The following CHD1 variants were observed in gnomAD, a reference collection of about 807,000 sequenced individuals.
The protein encoded by CHD1 is chromodomain helicase DNA binding protein 1, also known as ATP-dependent chromatin remodeler CHD1.
A neutral mutation model predicts 224.2 loss-of-function variants in CHD1; 36 were observed. The observed-to-expected ratio is 0.16, with a 90% confidence interval of 0.12 to 0.21. CHD1 has a LOEUF of 0.21. CHD1 is among the 10% of genes least tolerant of loss of function. CHD1 has a pLI of 1.00. For synonymous variants in CHD1, 668 were observed against 658.3 expected (o/e 1.01, Z -0.23); for missense variants, 1,378 against 1,994.8 (o/e 0.69, Z 5.89).
chr5:98,903,909 C>T lies in CHD1; in HGVS notation c.256-1G>A. The T allele has an allele frequency of 6.4e-7, 1 of 1,566,942 alleles. No individual in the cohort carries two copies. Among genetic ancestry groups the T allele is most frequent in the Non-Finnish European group, 8.7e-7 (1 of 1,147,292 alleles). ...GAATACTAGGACTAGATTTCCAAAACTATAATAGAAATATAAACCAGTGAA... is the reference window on the plus strand; with the variant it reads ...GAATACTAGGACTAGATTTCCAAAATTATAATAGAAATATAAACCAGTGAA... On this transcript the variant is annotated splice_acceptor_variant, in intron 3 of 35. Transcript: ENST00000614616. LOFTEE classifies it high-confidence loss of function.
intron 1 of CHD1, among the ~76,000 whole-genome samples, chr5:98,926,926 G>T (rs1353566912): frequency 4.7e-5 from 5 of 106,610 alleles, no homozygotes; most frequent in Non-Finnish European, 7.1e-5. Context: ...AGTGGGGGGG[G>T]GGGTGGGAGG....
chr5:98,888,289 G>A (rs761532460), intron 16 of CHD1, 49 bp from the exon 17 acceptor site: 1 of 1,338,198 alleles, frequency 7.5e-7, no homozygotes, highest in Non-Finnish European at 1.0e-6. Context: ...TAAATGGTAA[G>A]TTGTCCACGT....
chr5:98,893,989 G>C (rs939224435), intron 13 of CHD1, among the ~76,000 whole-genome samples: 2 of 152,080 alleles, frequency 1.3e-5, no homozygotes, highest in African/African-American at 2.4e-5. Context: ...CTTATTCCAA[G>C]TGTAGGTACA....
intron 26 of CHD1, among the ~76,000 whole-genome samples, chr5:98,872,808 C>T (rs901183613): frequency 7.2e-5 from 11 of 151,950 alleles, no homozygotes; most frequent in Non-Finnish European, 1.3e-4. Context: ...CTACTAATAC[C>T]GTCAGCCTCT....
At position 98,892,707 on chromosome 5, in the gene CHD1, A is replaced by G; in HGVS notation, c.1998T>C (p.Ser666=). The change falls in exon 15 of 36, where the codon TCT becomes TCC. Residue 666 remains serine (S), a synonymous_variant. Coordinates refer to ENST00000614616, the MANE Select transcript of CHD1 (RefSeq NM_001270.4). ...LLHFIMPEKF[S]SWEDFEEEHG... ...GTTCTTCTTCAAAATCTTCCCAGGA[A>G]GAAAACCTTTAAAATTTAAGAAATT... 1 of 1,583,258 alleles carries G rather than the reference A, an allele frequency of 6.3e-7. No homozygotes were observed. The highest frequency in any genetic ancestry group is 8.6e-7 in the Non-Finnish European group (1 of 1,162,880).
At chr5:98,880,000 A>G (rs1750049187) in intron 22 of CHD1, among the ~76,000 whole-genome samples, 1 of 152,248 alleles carries the variant, frequency 6.6e-6, no homozygotes, top group African/African-American at 2.4e-5. Context: ...AGTTAACAGA[A>G]CAACAAAAAA....
At chr5:98,883,308 A>C (rs1446714942) in intron 18 of CHD1, 71 bp from the exon 19 acceptor site, 1 of 991,986 alleles carries the variant, frequency 1.0e-6, no homozygotes, top group African/African-American at 1.7e-5. Flanking sequence ...GTATGGTACT[A>C]ATTAAACAGA....
intron 25 of CHD1, among the ~76,000 whole-genome samples, chr5:98,874,230 A>C (rs1305398038): frequency 2.6e-5 from 4 of 152,174 alleles, no homozygotes; most frequent in Admixed American, 2.6e-4. Flanking sequence ...AAAAAAATAA[A>C]CTAATTTGAG....
intron 7 of CHD1, 78 bp downstream of exon 7, chr5:98,900,733 C>G (rs989287170): frequency 1.6e-6 from 2 of 1,264,442 alleles, no homozygotes; most frequent in African/African-American, 3.0e-5. Context: ...ATTACAGGGG[C>G]GACCCACTGT....
chr5:98,891,790 T>G (rs971050239), intron 15 of CHD1, among the ~76,000 whole-genome samples: 1 of 151,808 alleles, frequency 6.6e-6, no homozygotes, highest in African/African-American at 2.4e-5. Flanking sequence ...CAGCCTGGAG[T>G]ACAAAGGGAG....
Position 98,893,486 on chromosome 5 carries a change from T to C in CHD1, c.1921A>G (p.Ile641Val). Residue 641 changes from isoleucine to valine, a missense_variant, in exon 14 of 36, where the codon ATC becomes GTC. By Grantham distance (29) the Ile-to-Val change is conservative. Around this residue, in one of 16 missense-constraint regions of CHD1, gnomAD observed 37 missense variants for 118.9 expected, o/e 0.31. Coordinates refer to ENST00000614616, the MANE Select transcript of CHD1 (RefSeq NM_001270.4). Reference protein sequence around the residue: ...IDFKSNHRLLITGTPLQNSLK... With the variant: ...IDFKSNHRLLVTGTPLQNSLK... ...GAATTCTGTAGAGGAGTTCCAGTGA[T>C]AAGGAGACGATGATTGGATTTAAAA... 1.2e-6 allele frequency: 2 copies of C among 1,612,172 alleles called. No homozygotes were observed. The highest frequency in any genetic ancestry group is 8.5e-7 in the Non-Finnish European group (1 of 1,178,728).
intron 2 of CHD1, among the ~76,000 whole-genome samples, chr5:98,921,227 A>T (rs1324794499): frequency 6.6e-6 from 1 of 152,214 alleles, no homozygotes; most frequent in Non-Finnish European, 1.5e-5. Flanking sequence ...CTCAACAATC[A>T]TCAGTTGCCA....
At position 98,889,083 on chromosome 5, in the gene CHD1, G is replaced by C. The variant is rs755689913; in HGVS notation, c.2336C>G (p.Ala779Gly). ...ACATTTAAAAATTCTTACTTGTAAGGCCTCCTGTTTATTATAGAATTCATT... is the reference window on the plus strand; with the variant it reads ...ACATTTAAAAATTCTTACTTGTAAGCCCTCCTGTTTATTATAGAATTCATT... Reference protein sequence around the residue: ...DNNEFYNKQEALQHLIRSSGK... With the variant: ...DNNEFYNKQEGLQHLIRSSGK... The change falls in exon 16 of 36, where the codon GCC (alanine) becomes GGC (glycine). Residue 779 changes from alanine to glycine, a missense_variant. Transcript: ENST00000614616. 6.4e-7 allele frequency: 1 copy of C among 1,568,682 alleles called. No individual in the cohort carries two copies. Among genetic ancestry groups the C allele is most frequent in the Admixed American group, 1.8e-5 (1 of 55,208 alleles).
At chr5:98,910,221 CG>C (rs1752300610) in intron 2 of CHD1, among the ~76,000 whole-genome samples, 1 of 151,978 alleles carries the variant, frequency 6.6e-6, no homozygotes, top group African/African-American at 2.4e-5. Flanking sequence ...TGTCATCACT[CG>C]GGTTGAGTTG....
At chr5:98,888,020 G>A in intron 17 of CHD1, 68 bp downstream of exon 17, 1 of 1,045,430 alleles carries the variant, frequency 9.6e-7, no homozygotes, top group Non-Finnish European at 1.4e-6. Flanking sequence ...AATAATTTCA[G>A]TTAATTCTGT....
intron 18 of CHD1, 80 bp downstream of exon 18, chr5:98,885,498 T>TA (rs2112429229): frequency 3.3e-6 from 3 of 901,632 alleles, no homozygotes; most frequent in Non-Finnish European, 5.2e-6. Flanking sequence ...ATATGAAGAT[T>TA]AAAAATGTCT....
intron 7 of CHD1, 114 bp downstream of exon 7, chr5:98,900,697 C>T (rs114780835): frequency 0.011 from 9,924 of 876,534 alleles, 105 homozygotes; most frequent in South Asian, 0.025. Flanking sequence ...CCTGATCCAT[C>T]GGCCTCGGCC....
chr5:98,899,799 T>A (rs1156984469), intron 7 of CHD1, 94 bp from the exon 8 acceptor site: 2 of 788,244 alleles, frequency 2.5e-6, no homozygotes, highest in African/African-American at 3.5e-5. Flanking sequence ...TACAAAAATA[T>A]ATACTCTTTT....
chr5:98,911,146 A>AAATATATATATATATATATATAT (rs1491111295), intron 2 of CHD1, among the ~76,000 whole-genome samples: 2 of 39,130 alleles, frequency 5.1e-5, no homozygotes, highest in African/African-American at 2.4e-4. Context: ...AAAAAAAAAA[A>AAATATATATATATATATATATAT]ATATATATAT....
Sources: allele counts gnomAD v4.1 joint callset (sites outside exome capture counted in the v4.1 genomes callset), GRCh38; gene constraint gnomAD v4.1.1; regional missense constraint gnomAD v4.1.1; transcripts MANE v1.5; gene names NCBI Gene and HGNC (gene_info 2026-07-23, HGNC 2026-07-21).